RPP30: variants seen among roughly 807,000 people sequenced by gnomAD.
RPP30 encodes ribonuclease P/MRP subunit p30, also known as ribonuclease P protein subunit p30.
Under a neutral mutation model 38.6 loss-of-function variants are expected in RPP30, and 36 were observed. The observed-to-expected ratio is 0.93, with a 90% CI of 0.71 to 1.23. The LOEUF (loss-of-function observed/expected upper bound fraction) is 1.23. Among genes scored for constraint, RPP30 ranks in the 50% most tolerant of loss-of-function variants. The pLI is 0.00. For synonymous variants in RPP30, 126 were observed against 112.7 expected (o/e 1.12, Z -0.75); for missense variants, 321 against 321.7 (o/e 1.00, Z 0.02).
intron 5 of RPP30, among the ~76,000 whole-genome samples, chr10:90,881,119 C>T (rs1224611934): frequency 6.6e-6 from 1 of 152,194 alleles, no homozygotes; most frequent in Non-Finnish European, 1.5e-5. Flanking sequence ...TTTTGAAGAT[C>T]ATGCAACTTA....
intron 6 of RPP30, among the ~76,000 whole-genome samples, chr10:90,886,500 T>C (rs796825716): frequency 5.9e-5 from 9 of 152,356 alleles, no homozygotes; most frequent in African/African-American, 2.2e-4. Context: ...TCCCATACCC[T>C]TCATCTTCTA....
At chr10:90,887,076 T>C (rs1847011319) in intron 6 of RPP30, among the ~76,000 whole-genome samples, 1 of 152,102 alleles carries the variant, frequency 6.6e-6, no homozygotes, top group African/African-American at 2.4e-5. Context: ...CAAGTGATCC[T>C]CCTACCTCAG....
chr10:90,895,450 G>T lies in RPP30; in HGVS notation c.550-4G>T. 1.4e-6 allele frequency: 2 copies of T among 1,389,092 alleles called. No homozygotes were observed. Among genetic ancestry groups the T allele is most frequent in the African/African-American group, 3.1e-5 (2 of 65,544 alleles). 86.0% of individuals were successfully genotyped at this position (1,389,092 alleles called of 1,614,324 possible). ...ATTAATATTAGTCACTTTCTATTTT[G>T]TAGAATGTAATTATATCTAGTGCTG... On this transcript the variant is annotated splice_polypyrimidine_tract_variant and splice_region_variant and intron_variant, in intron 7 of 10. Transcript: ENST00000371703.
intron 10 of RPP30, among the ~76,000 whole-genome samples, chr10:90,898,534 C>T (rs1198358477): frequency 6.6e-6 from 1 of 152,130 alleles, no homozygotes; most frequent in Non-Finnish European, 1.5e-5. Context: ...TCTCAGCCGG[C>T]ATCTGTATCA....
At chr10:90,899,746 T>C (rs1847180407) in intron 10 of RPP30, among the ~76,000 whole-genome samples, 1 of 152,234 alleles carries the variant, frequency 6.6e-6, no homozygotes, top group Admixed American at 6.5e-5. Flanking sequence ...CTTTATATAA[T>C]ACCTCATTGC....
chr10:90,904,721 A>C (rs1233900090), downstream of RPP30, among the ~76,000 whole-genome samples: 1 of 152,184 alleles, frequency 6.6e-6, no homozygotes, highest in African/African-American at 2.4e-5. Flanking sequence ...CTGAGGCAGG[A>C]AAATTGCTTG....
chr10:90,873,420 G>A (rs944547244), intron 1 of RPP30, among the ~76,000 whole-genome samples: 3 of 152,166 alleles, frequency 2.0e-5, no homozygotes, highest in African/African-American at 7.2e-5. Flanking sequence ...TATTTGATGA[G>A]TCTGGAACTA....
intron 4 of RPP30, among the ~76,000 whole-genome samples, chr10:90,878,294 C>T (rs186750348): frequency 6.6e-6 from 1 of 152,230 alleles, no homozygotes; most frequent in East Asian, 1.9e-4. Context: ...CTTATACCCT[C>T]CTAACTTTTA....
chr10:90,884,031 T>C (rs1017075173), intron 5 of RPP30, among the ~76,000 whole-genome samples: 14 of 152,186 alleles, frequency 9.2e-5, no homozygotes, highest in Admixed American at 9.2e-4. Flanking sequence ...TGTTCCATAA[T>C]ATCCATTAGA....
chr10:90,904,012 A>G (rs1163517779), downstream of RPP30, among the ~76,000 whole-genome samples: 1 of 152,234 alleles, frequency 6.6e-6, no homozygotes, highest in African/African-American at 2.4e-5. Context: ...CAAAATGCTT[A>G]TAAGTATTTT....
chr10:90,900,512 C>A, intron 10 of RPP30, 58 bp from the exon 11 acceptor site: 2 of 1,540,390 alleles, frequency 1.3e-6, no homozygotes, highest in African/African-American at 2.7e-5. Context: ...TGTTAAACCA[C>A]CTCATTTTAA....
At chr10:90,876,160 C>T in intron 4 of RPP30, 62 bp downstream of exon 4, 1 of 1,071,042 alleles carries the variant, frequency 9.3e-7, no homozygotes, top group Non-Finnish European at 1.4e-6. Flanking sequence ...TAATGTTGAA[C>T]AATGTTGCAT....
intron 6 of RPP30, among the ~76,000 whole-genome samples, chr10:90,891,194 C>T (rs1182350359): frequency 1.3e-5 from 2 of 152,208 alleles, no homozygotes; most frequent in Non-Finnish European, 2.9e-5. Context: ...CTTGTTCCCT[C>T]TGAAATCTAT....
chr10:90,896,764 CTATT>C (rs1339896467), intron 10 of RPP30, among the ~76,000 whole-genome samples: 8 of 152,220 alleles, frequency 5.3e-5, no homozygotes, highest in Admixed American at 3.9e-4. Flanking sequence ...ATGTGTTAAA[CTATT>C]TATTAGGAAA....
intron 6 of RPP30, among the ~76,000 whole-genome samples, chr10:90,887,329 C>G (rs1847015609): frequency 2.0e-5 from 3 of 151,926 alleles, no homozygotes; most frequent in Admixed American, 2.0e-4. Context: ...GCTACTCAAA[C>G]TAAAAATATA....
Position 90,901,258 on chromosome 10 carries a change from A to G in RPP30, c.*579A>G. Reference sequence around the variant, plus strand: ...CGCTTTGGCCTCCTAAAGTGCTGGGATTACATGAGCCACCACATGCAGCCA... The same window carrying G: ...CGCTTTGGCCTCCTAAAGTGCTGGGGTTACATGAGCCACCACATGCAGCCA... On this transcript the variant is annotated 3_prime_UTR_variant, in exon 11 of 11. Coordinates refer to ENST00000371703, the MANE Select transcript of RPP30 (RefSeq NM_006413.5). 1 of 979,382 alleles carries G rather than the reference A, an allele frequency of 1.0e-6. No individual in the cohort carries two copies. Among genetic ancestry groups the G allele is most frequent in the Non-Finnish European group, 1.2e-6 (1 of 825,796 alleles). The allele number at this position is 979,382 out of a possible 1,614,324, so 60.7% of individuals were successfully genotyped here.
At position 90,874,835 on chromosome 10, in the gene RPP30, T is replaced by C. The variant is rs1286363621; in HGVS notation, c.83-34T>C. 1.5e-5 allele frequency: 23 copies of C among 1,485,580 alleles called. No homozygotes were observed. The East Asian group carries it at 4.8e-4, about 31-fold the overall frequency. 92.0% of individuals were successfully genotyped at this position (1,485,580 alleles called of 1,614,324 possible). On this transcript the variant is annotated intron_variant, in intron 1 of 10. Coordinates refer to ENST00000371703, the MANE Select transcript of RPP30 (RefSeq NM_006413.5). ...GTGTTACAGGAAGGAGAGGTTGTTATATTTAACAAAAGTGTTCAATTTTTC... is the reference window on the plus strand; with the variant it reads ...GTGTTACAGGAAGGAGAGGTTGTTACATTTAACAAAAGTGTTCAATTTTTC...
chr10:90,887,321 T>C (rs946657581), intron 6 of RPP30, among the ~76,000 whole-genome samples: 4 of 151,982 alleles, frequency 2.6e-5, no homozygotes, highest in Admixed American at 1.3e-4. Context: ...AAAAATATGC[T>C]ACTCAAACTA....
Position 90,875,537 on chromosome 10 carries a change from ACTAT to A in RPP30, c.139-20_139-17del. On this transcript the variant is annotated splice_polypyrimidine_tract_variant and intron_variant, in intron 2 of 10. Transcript: ENST00000371703. ...CTATTAATGGATACAATCTGCAGTAACTATTTATCGTTTGTTGTAGGAAATTGAA... is the reference window on the plus strand; with the variant it reads ...CTATTAATGGATACAATCTGCAGTAATTATCGTTTGTTGTAGGAAATTGAA... 6.2e-7 allele frequency: 1 copy of A among 1,605,494 alleles called. No individual in the cohort carries two copies.
Sources: gnomAD v4.1 joint callset for allele counts (sites outside exome capture counted in the v4.1 genomes callset) on GRCh38, gnomAD v4.1.1 for gene constraint, MANE v1.5 for transcripts, NCBI Gene and HGNC (gene_info 2026-07-23, HGNC 2026-07-21) for gene names.